Variants in STXBP6 observed in about 807,000 individuals in gnomAD.
The protein encoded by STXBP6 is syntaxin binding protein 6, also known as syntaxin-binding protein 6.
Under a neutral mutation model 26.9 loss-of-function variants are expected in STXBP6, and 21 were observed. The observed-to-expected ratio is 0.78, with a 90% CI of 0.55 to 1.12. The LOEUF (loss-of-function observed/expected upper bound fraction) is 1.12, where lower values mean the gene tolerates loss of function less well. Ranked by LOEUF, STXBP6 falls within the 50% of genes most tolerant of loss-of-function variation. STXBP6 has a pLI of 0.00. For synonymous variants in STXBP6, 97 were observed against 92.6 expected, an observed-to-expected ratio of 1.05 and a Z score of -0.27; for missense variants, 232 against 257.9, an observed-to-expected ratio of 0.90 and a Z score of 0.69.
At chr14:24,886,155 A>C (rs539890388) in intron 2 of STXBP6, among the ~76,000 whole-genome samples, 2 of 152,278 alleles carry the variant, frequency 1.3e-5, no homozygotes, top group South Asian at 4.1e-4. Context: ...TACTTGCCCC[A>C]ATCGCTTTGA....
At chr14:24,949,827 CTGAG>C (rs1211668621) in intron 2 of STXBP6, among the ~76,000 whole-genome samples, 1 of 152,126 alleles carries the variant, frequency 6.6e-6, no homozygotes, top group African/African-American at 2.4e-5. Flanking sequence ...ATCACAGTGG[CTGAG>C]TTTCAGCCAA....
At chr14:24,873,364 G>A (rs959341469) in intron 2 of STXBP6, among the ~76,000 whole-genome samples, 1 of 152,128 alleles carries the variant, frequency 6.6e-6, no homozygotes, top group Non-Finnish European at 1.5e-5. Context: ...AGAAGAGCCA[G>A]GACAGTTTTC....
At chr14:25,045,385 C>T (rs1291142726) in intron 1 of STXBP6, among the ~76,000 whole-genome samples, 1 of 152,070 alleles carries the variant, frequency 6.6e-6, no homozygotes, top group Non-Finnish European at 1.5e-5. Context: ...CCCACCCCAA[C>T]AGCACTTTAC....
intron 1 of STXBP6, among the ~76,000 whole-genome samples, chr14:24,986,777 TA>T (rs2074343867): frequency 6.6e-6 from 1 of 152,238 alleles, no homozygotes; most frequent in Non-Finnish European, 1.5e-5. Flanking sequence ...GGAGAGTCTT[TA>T]CAGGTTCACT....
chr14:24,944,816 C>A (rs1171601974), intron 2 of STXBP6, among the ~76,000 whole-genome samples: 1 of 152,002 alleles, frequency 6.6e-6, no homozygotes, highest in African/African-American at 2.4e-5. Context: ...ACTAGAAGAG[C>A]TTCTAGGTCA....
intron 2 of STXBP6, among the ~76,000 whole-genome samples, chr14:24,896,691 T>C (rs1195458274): frequency 1.3e-5 from 2 of 152,192 alleles, no homozygotes; most frequent in Non-Finnish European, 2.9e-5. Context: ...GATAAAGTCA[T>C]TCCAAACTGG....
chr14:24,884,768 TTTA>T (rs1368570610), intron 2 of STXBP6, among the ~76,000 whole-genome samples: 2 of 109,562 alleles, frequency 1.8e-5, no homozygotes, highest in East Asian at 5.4e-4. Context: ...CTATTAATAA[TTTA>T]TTATTTATGA....
At chr14:24,934,214 T>G (rs1259600437) in intron 2 of STXBP6, among the ~76,000 whole-genome samples, 1 of 152,218 alleles carries the variant, frequency 6.6e-6, no homozygotes, top group South Asian at 2.1e-4. Flanking sequence ...AGTATACAGG[T>G]TAATATAAAG....
chr14:24,838,435 G>A (rs996744748), intron 4 of STXBP6, among the ~76,000 whole-genome samples: 3 of 151,970 alleles, frequency 2.0e-5, no homozygotes, highest in Non-Finnish European at 2.9e-5. Flanking sequence ...CCTGTAATCC[G>A]AGCACTTTGG....
intron 4 of STXBP6, among the ~76,000 whole-genome samples, chr14:24,837,911 G>A (rs1379195346): frequency 6.6e-6 from 1 of 152,114 alleles, no homozygotes; most frequent in African/African-American, 2.4e-5. Flanking sequence ...AACTGGAAAG[G>A]AAGAACAACA....
intron 1 of STXBP6, among the ~76,000 whole-genome samples, chr14:25,006,519 C>T (rs866999245): frequency 3.9e-5 from 6 of 152,088 alleles, no homozygotes; most frequent in South Asian, 2.1e-4. Flanking sequence ...ATGGTTGATG[C>T]TTTATTTGTG....
At chr14:24,945,795 C>T (rs115191861) in intron 2 of STXBP6, among the ~76,000 whole-genome samples, 1,895 of 152,248 alleles carry the variant, frequency 0.012, 35 homozygotes, top group African/African-American at 0.044. Context: ...ATAGTAAAAA[C>T]ATATACTAAC....
In STXBP6 at chr14:25,041,377, A is replaced by C. The variant is rs189219108; in HGVS notation, c.-33+8501T>G. ...AAAAATGTATATTGTTATAGTGGAT[A>C]AGGATTTAATCTTAAAACAACTTGC... On this transcript the variant is annotated intron_variant, in intron 1 of 5. Coordinates refer to ENST00000323944, the MANE Select transcript of STXBP6 (RefSeq NM_001394410.1). Among the ~76,000 whole-genome samples, 31 of 152,328 alleles carry C rather than the reference A, an allele frequency of 2.0e-4. No individual in the cohort carries two copies. The East Asian group carries it at 5.4e-3, about 26-fold the overall frequency.
rs74040709 is a variant in STXBP6, at chr14:24,908,031, C to A, written c.155-50874G>T. Reference sequence around the variant, plus strand: ...AGGTTGCAACCCCTAAGCAATGACCCCATTTGGGTGTCTGTAACAGGCCTC... The same window carrying A: ...AGGTTGCAACCCCTAAGCAATGACCACATTTGGGTGTCTGTAACAGGCCTC... On this transcript the variant is annotated intron_variant, in intron 2 of 5. Transcript: ENST00000323944. Among the ~76,000 whole-genome samples, 185 of 152,182 alleles carry A rather than the reference C, an allele frequency of 1.2e-3. 2 individuals carry two copies. The highest frequency in any genetic ancestry group is 4.3e-3 in the African/African-American group (178 of 41,496).
chr14:24,871,376 C>A (rs1423935546), intron 2 of STXBP6, among the ~76,000 whole-genome samples: 3 of 152,136 alleles, frequency 2.0e-5, no homozygotes. Context: ...GAAGATGGCA[C>A]TGAGGAAGAA....
At chr14:24,996,406 C>A (rs2074603570) in intron 1 of STXBP6, among the ~76,000 whole-genome samples, 3 of 152,090 alleles carry the variant, frequency 2.0e-5, no homozygotes, top group Non-Finnish European at 2.9e-5. Flanking sequence ...ACCTGAACCT[C>A]TCAGCTTTGT....
intron 4 of STXBP6, among the ~76,000 whole-genome samples, chr14:24,838,839 G>T (rs1025022008): frequency 3.3e-5 from 5 of 152,096 alleles, no homozygotes; most frequent in African/African-American, 1.2e-4. Context: ...CAACTCAACT[G>T]CCCTTCCTTA....
chr14:24,974,777 A>T lies in STXBP6; in HGVS notation c.42T>A (p.Pro14=), dbSNP rs2073999323. The T allele has an allele frequency of 3.7e-6, 6 of 1,608,438 alleles. No homozygotes were observed. The highest frequency in any genetic ancestry group is 1.3e-5 in the African/African-American group (1 of 74,866). Residue 14 remains proline (P), a synonymous_variant, in exon 2 of 6, where the codon CCT becomes CCA. Coordinates refer to ENST00000323944, the MANE Select transcript of STXBP6 (RefSeq NM_001394410.1). ...CAGCTCCCAGCATCCTTTCATCAAG[A>T]GGTGCAAAAATTTCCTTGCTGATAG... is the stretch of plus-strand genomic sequence containing the variant. ...KSAISKEIFA[P]LDERMLGAVQ...
chr14:24,960,981 T>A (rs1280953356), intron 2 of STXBP6, among the ~76,000 whole-genome samples: 1 of 152,230 alleles, frequency 6.6e-6, no homozygotes, highest in African/African-American at 2.4e-5. Context: ...TTCTGTGATG[T>A]CAGGCAAAGC....
Sources: allele counts gnomAD v4.1 joint callset (sites outside exome capture counted in the v4.1 genomes callset), GRCh38; gene constraint gnomAD v4.1.1; transcripts MANE v1.5; gene names NCBI Gene and HGNC (gene_info 2026-07-23, HGNC 2026-07-21).